Variants in CLPB observed in about 807,000 individuals in gnomAD.
CLPB encodes ClpB family mitochondrial disaggregase.
Under a neutral mutation model 78.4 loss-of-function variants are expected in CLPB, and 40 were observed. The observed-to-expected ratio is 0.51, with a 90% CI of 0.40 to 0.66. The LOEUF (loss-of-function observed/expected upper bound fraction) is 0.66, where lower values mean the gene tolerates loss of function less well. Among genes scored for constraint, CLPB ranks in the 30% least tolerant of loss-of-function variants. The pLI is 0.00. For synonymous variants in CLPB, 333 were observed against 348.0 expected (o/e 0.96, Z 0.48); for missense variants, 780 against 886.9 (o/e 0.88, Z 1.53).
At chr11:72,400,980 C>G (rs924030971) in intron 3 of CLPB, among the ~76,000 whole-genome samples, 1 of 152,196 alleles carries the variant, frequency 6.6e-6, no homozygotes, top group Non-Finnish European at 1.5e-5. Context: ...AACACTAGCA[C>G]AGGGCCTGGC....
At chr11:72,428,699 A>C (rs1244710755) in intron 2 of CLPB, 2 of 152,298 alleles carry the variant, frequency 1.3e-5, no homozygotes, top group Non-Finnish European at 2.9e-5. Flanking sequence ...AAGAGGAGGC[A>C]GGAGAAAAGC....
At chr11:72,330,673 G>A (rs900759441) in intron 5 of CLPB, among the ~76,000 whole-genome samples, 1 of 152,192 alleles carries the variant, frequency 6.6e-6, no homozygotes, top group African/African-American at 2.4e-5. Flanking sequence ...GAATGAATGG[G>A]GCCTGAGGAT....
chr11:72,415,322 C>T (rs897958462), intron 2 of CLPB, among the ~76,000 whole-genome samples: 1 of 152,202 alleles, frequency 6.6e-6, no homozygotes, highest in African/African-American at 2.4e-5. Context: ...CCCAATTCTT[C>T]CCTTCTTTCC....
Position 72,287,860 on chromosome 11 carries a change from T to C in CLPB, c.*5507A>G, listed in dbSNP as rs1177612204. Reference sequence around the variant, plus strand: ...ATGGTTATGTCTAATTTCTCATGCCTAATTTTGTTAATTTTTTTGGCTCCT... The same window carrying C: ...ATGGTTATGTCTAATTTCTCATGCCCAATTTTGTTAATTTTTTTGGCTCCT... On this transcript the variant is annotated 3_prime_UTR_variant, in exon 16 of 16. Transcript: ENST00000538039. The C allele has an allele frequency of 2.0e-5, 3 of 152,208 alleles. No homozygotes were observed. Among genetic ancestry groups the C allele is most frequent in the Non-Finnish European group, 4.4e-5 (3 of 68,032 alleles). 9.4% of individuals were successfully genotyped at this position (152,208 alleles called of 1,614,324 possible). A position where few individuals can be genotyped will look rare whatever the true frequency, so the allele number is the denominator to read the frequency against.
chr11:72,309,149 A>C (rs775182832), intron 7 of CLPB, among the ~76,000 whole-genome samples: 1 of 152,134 alleles, frequency 6.6e-6, no homozygotes, highest in Non-Finnish European at 1.5e-5. Context: ...CTGGAAGTCA[A>C]TCAAAGGCAA....
At chr11:72,338,852 C>G (rs1431891629) in intron 5 of CLPB, among the ~76,000 whole-genome samples, 1 of 152,194 alleles carries the variant, frequency 6.6e-6, no homozygotes, top group African/African-American at 2.4e-5. Flanking sequence ...TCAGGATGAC[C>G]TATTTGCTCA....
At chr11:72,397,140 T>C (rs1229835664) in intron 3 of CLPB, among the ~76,000 whole-genome samples, 1 of 152,242 alleles carries the variant, frequency 6.6e-6, no homozygotes, top group Non-Finnish European at 1.5e-5. Flanking sequence ...CTCCAGAATG[T>C]CATATACATG....
chr11:72,407,796 G>A (rs1188915308), intron 2 of CLPB, among the ~76,000 whole-genome samples: 1 of 152,126 alleles, frequency 6.6e-6, no homozygotes, highest in African/African-American at 2.4e-5. Flanking sequence ...ACAGGTGCCT[G>A]CCACCACGCC....
At chr11:72,343,774 A>C (rs1950461949) in intron 5 of CLPB, among the ~76,000 whole-genome samples, 1 of 152,206 alleles carries the variant, frequency 6.6e-6, no homozygotes, top group African/African-American at 2.4e-5. Context: ...ATGCATGACA[A>C]AACAGATGAA....
At chr11:72,360,924 A>C (rs1471899223) in intron 4 of CLPB, among the ~76,000 whole-genome samples, 1 of 152,220 alleles carries the variant, frequency 6.6e-6, no homozygotes, top group Non-Finnish European at 1.5e-5. Flanking sequence ...CTCACATATC[A>C]TAATGTCACC....
intron 11 of CLPB, among the ~76,000 whole-genome samples, chr11:72,297,295 G>A (rs1347188019): frequency 1.3e-5 from 2 of 152,234 alleles, no homozygotes; most frequent in South Asian, 2.1e-4. Context: ...CAGTGTAATG[G>A]TAAACCCAGT....
chr11:72,393,556 A>G (rs1855315156), intron 3 of CLPB, among the ~76,000 whole-genome samples: 1 of 152,198 alleles, frequency 6.6e-6, no homozygotes, highest in African/African-American at 2.4e-5. Flanking sequence ...GCTTCACTCC[A>G]GAGCCCCTAT....
intron 2 of CLPB, among the ~76,000 whole-genome samples, chr11:72,415,440 T>C (rs934471255): frequency 3.3e-5 from 5 of 152,180 alleles, no homozygotes; most frequent in African/African-American, 1.2e-4. Flanking sequence ...GGGGTGAAGA[T>C]ACTTTCTGTT....
chr11:72,370,867 C>A (rs1951028646), intron 4 of CLPB, among the ~76,000 whole-genome samples: 1 of 152,178 alleles, frequency 6.6e-6, no homozygotes, highest in Non-Finnish European at 1.5e-5. Context: ...TCCTGCAGTG[C>A]CCTCTCCTTT....
At chr11:72,297,639 GTGTGTGTGTGTGTGTGTGTGT>G in intron 11 of CLPB, among the ~76,000 whole-genome samples, 1 of 21,774 alleles carries the variant, frequency 4.6e-5, no homozygotes, top group Non-Finnish European at 7.3e-5. Flanking sequence ...GGGACCAGGT[GTGTGTGTGTGTGTGTGTGTGT>G]GTGTGTGTGT....
intron 2 of CLPB, among the ~76,000 whole-genome samples, chr11:72,403,435 T>C (rs1189961564): frequency 5.3e-5 from 8 of 152,208 alleles, no homozygotes; most frequent in Admixed American, 5.2e-4. Context: ...CCGGCTCCTT[T>C]GCCTATTTGA....
intron 3 of CLPB, among the ~76,000 whole-genome samples, chr11:72,397,938 A>G (rs1468469108): frequency 6.6e-6 from 1 of 152,236 alleles, no homozygotes; most frequent in African/African-American, 2.4e-5. Context: ...AAGTACTTAA[A>G]CCGTGCTAAA....
At chr11:72,413,270 C>T (rs746950220) in intron 2 of CLPB, among the ~76,000 whole-genome samples, 5 of 151,756 alleles carry the variant, frequency 3.3e-5, no homozygotes, top group Non-Finnish European at 7.4e-5. Flanking sequence ...GCCTGGGCAA[C>T]CAAAGCGAAA....
At chr11:72,307,171 C>A (rs374787356) in intron 9 of CLPB, 28 bp downstream of exon 9, 3 of 1,607,036 alleles carry the variant, frequency 1.9e-6, no homozygotes, top group Admixed American at 3.3e-5. Flanking sequence ...CCACGATCTG[C>A]AGATCAGACC....
Sources: gnomAD v4.1 joint callset for allele counts (sites outside exome capture counted in the v4.1 genomes callset) on GRCh38, gnomAD v4.1.1 for gene constraint, MANE v1.5 for transcripts, NCBI Gene and HGNC (gene_info 2026-07-23, HGNC 2026-07-21) for gene names.